The following NHSL1 variants were observed in gnomAD, a reference collection of about 807,000 sequenced individuals.
NHSL1 encodes the protein NHS-like protein 1.
A neutral mutation model predicts 95.0 loss-of-function variants in NHSL1; 48 were observed. The ratio of observed to expected loss-of-function variants is 0.51; its 90% CI spans 0.40 to 0.64. The LOEUF (loss-of-function observed/expected upper bound fraction) is 0.64. Ranked by LOEUF, NHSL1 falls within the 30% of genes least tolerant of loss-of-function variation. The pLI, the probability that NHSL1 is intolerant of heterozygous loss-of-function variation, is 0.00. For missense variants in NHSL1, 1,971 were observed against 2,077.7 expected, an observed-to-expected ratio of 0.95 and a Z score of 1.00; for synonymous variants, 783 against 833.9, an observed-to-expected ratio of 0.94 and a Z score of 1.05.
rs562595737 is a variant in NHSL1, at chr6:138,505,883, T to C, written c.17-9512A>G. On this transcript the variant is annotated intron_variant, in intron 1 of 4. Coordinates refer to the NHSL1 transcript ENST00000342260. ...AATGGTGCTTTTACTGATTGTTAAT[T>C]CATTTTAGGGTGTTTTTAAAAATCA... is the stretch of plus-strand genomic sequence containing the variant. Among the ~76,000 whole-genome samples, 10 of 152,326 alleles carry C rather than the reference T, an allele frequency of 6.6e-5. No individual in the cohort carries two copies. In the East Asian group the frequency reaches 1.7e-3, roughly 26 times the overall value.
intron 1 of NHSL1, chr6:138,571,486 G>C (rs1783837470): frequency 5.7e-6 from 3 of 528,822 alleles, no homozygotes; most frequent in Admixed American, 3.4e-5. Flanking sequence ...ACAAATAACA[G>C]CTACTTTATC....
chr6:138,465,070 AAG>A (rs1254185369), intron 3 of NHSL1, among the ~76,000 whole-genome samples: 2 of 151,492 alleles, frequency 1.3e-5, no homozygotes, highest in Non-Finnish European at 2.9e-5. Flanking sequence ...AAAAAAAAAA[AAG>A]AATGAATAAA....
chr6:138,684,569 C>T (rs1198741758), intron 1 of NHSL1, among the ~76,000 whole-genome samples: 3 of 151,970 alleles, frequency 2.0e-5, no homozygotes, highest in East Asian at 1.9e-4. Context: ...CACTTGAACC[C>T]GGGAGGCAGA....
At chr6:138,632,813 A>T (rs189394493) in intron 1 of NHSL1, among the ~76,000 whole-genome samples, 18 of 152,294 alleles carry the variant, frequency 1.2e-4, no homozygotes, top group Middle Eastern at 3.4e-3. Context: ...ACAGACAAAC[A>T]TCTTTAAATA....
At chr6:138,604,377 C>T (rs756749750) in intron 1 of NHSL1, among the ~76,000 whole-genome samples, 5 of 152,108 alleles carry the variant, frequency 3.3e-5, no homozygotes, top group Non-Finnish European at 5.9e-5. Context: ...AAAAATCTAA[C>T]GAACACTAAG....
chr6:138,692,947 G>A (rs867806964), upstream of NHSL1, among the ~76,000 whole-genome samples: 1 of 150,410 alleles, frequency 6.6e-6, no homozygotes, highest in Middle Eastern at 3.5e-3. The surrounding 1 kb of genome is among the most constrained non-coding windows in gnomAD (Gnocchi z 4.0). Context: ...ACGGGCGCGC[G>A]GGCGAGCGGG....
intron 1 of NHSL1, among the ~76,000 whole-genome samples, chr6:138,569,487 C>T (rs542950891): frequency 6.6e-6 from 1 of 152,212 alleles, no homozygotes; most frequent in African/African-American, 2.4e-5. Context: ...AATGTGTCTC[C>T]CAGTGCATAT....
At position 138,431,972 on chromosome 6, in the gene NHSL1, T is replaced by G; in HGVS notation, c.2373A>C (p.Glu791Asp). 2.6e-6 allele frequency: 4 copies of G among 1,551,732 alleles called. No individual in the cohort carries two copies. Among genetic ancestry groups the G allele is most frequent in the Non-Finnish European group, 3.5e-6 (4 of 1,146,994 alleles). The change falls in exon 6 of 8, where the codon GAA (glutamate) becomes GAC (aspartate). Residue 791 changes from glutamate (E) to aspartate (D), a missense_variant. Transcript: ENST00000343505. The surrounding 1 kb of genome is among the most constrained non-coding windows in gnomAD (Gnocchi z 4.0). ...AGCCCCCTGCCGGGTTCCCCGGATCTTCCTGCATGCCCGTGTAGTCAATGT... is the reference window on the plus strand; with the variant it reads ...AGCCCCCTGCCGGGTTCCCCGGATCGTCCTGCATGCCCGTGTAGTCAATGT... ...GYYIDYTGMQ[E>D]DPGNPAGGCS... is the part of the protein sequence containing the mutation.
At chr6:138,612,973 G>A (rs764689412) in intron 1 of NHSL1, among the ~76,000 whole-genome samples, 22 of 152,134 alleles carry the variant, frequency 1.4e-4, no homozygotes, top group African/African-American at 1.4e-4. Context: ...ATGAGCCATC[G>A]TTTATTGAAT....
intron 1 of NHSL1, among the ~76,000 whole-genome samples, chr6:138,611,164 TTCTACTAATAAGA>T (rs1784507466): frequency 6.6e-6 from 1 of 152,038 alleles, no homozygotes; most frequent in South Asian, 2.1e-4. Flanking sequence ...AGGCAGGGGC[TTCTACTAATAAGA>T]AAAGGGTTGG....
At chr6:138,666,805 G>A (rs781285890) in intron 1 of NHSL1, among the ~76,000 whole-genome samples, 1 of 152,224 alleles carries the variant, frequency 6.6e-6, no homozygotes, top group African/African-American at 2.4e-5. Flanking sequence ...CTCAAATGTT[G>A]ACGATGACTC....
intron 1 of NHSL1, among the ~76,000 whole-genome samples, chr6:138,662,921 G>A (rs1341348449): frequency 1.3e-5 from 2 of 151,486 alleles, no homozygotes. Flanking sequence ...AGGCCACTTA[G>A]GTAACAAATA....
chr6:138,504,096 G>A (rs149958201), upstream of NHSL1, among the ~76,000 whole-genome samples: 919 of 152,198 alleles, frequency 6.0e-3, 25 homozygotes, highest in Admixed American at 0.046. Context: ...TTAGCCCGGT[G>A]TGGTGGTTCA....
At chr6:138,493,322 T>G (rs1780177800) in intron 2 of NHSL1, among the ~76,000 whole-genome samples, 1 of 152,242 alleles carries the variant, frequency 6.6e-6, no homozygotes, top group African/African-American at 2.4e-5. Flanking sequence ...AAAGCAATTA[T>G]GAAAGCATTT....
At chr6:138,629,016 A>G (rs1237986903) in intron 1 of NHSL1, among the ~76,000 whole-genome samples, 1 of 152,242 alleles carries the variant, frequency 6.6e-6, no homozygotes, top group Non-Finnish European at 1.5e-5. Flanking sequence ...AACTACTTTC[A>G]GTCATTCCAC....
Position 138,425,563 on chromosome 6 carries a change from T to C in NHSL1, c.4086-747A>G, listed in dbSNP as rs144484810. 4.6e-3 allele frequency among the ~76,000 whole-genome samples: 694 copies of C among 152,328 alleles called. 6 individuals are homozygous for C. The highest frequency in any genetic ancestry group is 0.02 in the Admixed American group (300 of 15,298). ...GAAACAAATCTTAGACACTATTAAC[T>C]TACTTTGGACAGGACCAAAAGTTTT... On this transcript the variant is annotated intron_variant, in intron 7 of 7. Transcript: ENST00000343505.
intron 1 of NHSL1, among the ~76,000 whole-genome samples, chr6:138,555,063 G>A (rs1783143830): frequency 1.3e-5 from 2 of 152,156 alleles, no homozygotes; most frequent in Admixed American, 1.3e-4. Flanking sequence ...ACCATCTTCA[G>A]GGGTGGAGTC....
At chr6:138,652,470 C>T (rs2094736447) in intron 1 of NHSL1, among the ~76,000 whole-genome samples, 1 of 151,220 alleles carries the variant, frequency 6.6e-6, no homozygotes, top group Admixed American at 6.6e-5. Context: ...TAAGGTATGG[C>T]TATATCACAG....
intron 1 of NHSL1, among the ~76,000 whole-genome samples, chr6:138,513,279 T>A (rs972690284): frequency 9.8e-5 from 15 of 152,326 alleles, no homozygotes; most frequent in African/African-American, 2.6e-4. Context: ...TTCTAACCTT[T>A]ATGAAAATTT....
Sources: gnomAD v4.1 joint callset for allele counts (sites outside exome capture counted in the v4.1 genomes callset) on GRCh38, gnomAD v4.1.1 for gene constraint, Gnocchi (gnomAD v3.1) non-coding constraint, MANE v1.5 for transcripts, NCBI Gene and HGNC (gene_info 2026-07-23, HGNC 2026-07-21) for gene names.